The following HCN1 variants were observed in gnomAD, a reference collection of about 807,000 sequenced individuals.
The protein encoded by HCN1 is potassium/sodium hyperpolarization-activated cyclic nucleotide-gated channel 1.
In HCN1, 13 loss-of-function variants were observed where a neutral mutation model predicts 78.9. The ratio of observed to expected loss-of-function variants is 0.16; its 90% CI spans 0.11 to 0.26. The LOEUF is 0.26. Ranked by LOEUF, HCN1 falls within the 10% of genes least tolerant of loss-of-function variation. The probability of loss-of-function intolerance (pLI) is 1.00; values close to 1 mark genes in which losing one functional copy is unlikely to be tolerated. For missense variants in HCN1, 810 were observed against 1,154.3 expected, an observed-to-expected ratio of 0.70 and a Z score of 4.32; for synonymous variants, 552 against 455.5, an observed-to-expected ratio of 1.21 and a Z score of -2.70.
intron 6 of HCN1, among the ~76,000 whole-genome samples, chr5:45,299,274 A>G (rs972774193): frequency 6.6e-6 from 1 of 152,048 alleles, no homozygotes; most frequent in Admixed American, 6.6e-5. Flanking sequence ...AACATACCAT[A>G]GCAATGAAAG....
chr5:45,511,765 C>T (rs1381065744), intron 2 of HCN1, among the ~76,000 whole-genome samples: 1 of 151,798 alleles, frequency 6.6e-6, no homozygotes, highest in Non-Finnish European at 1.5e-5. Flanking sequence ...AGAAAGAGGA[C>T]GTTAGACTAA....
At chr5:45,328,607 C>T (rs1746280431) in intron 5 of HCN1, among the ~76,000 whole-genome samples, 1 of 151,660 alleles carries the variant, frequency 6.6e-6, no homozygotes, top group South Asian at 2.1e-4. Context: ...AGCATTGTGG[C>T]TCCACTGGGC....
chr5:45,264,210 A>G (rs985727075), intron 7 of HCN1, among the ~76,000 whole-genome samples: 18 of 152,194 alleles, frequency 1.2e-4, no homozygotes, highest in Non-Finnish European at 2.5e-4. Flanking sequence ...AGCTCCCTCT[A>G]AGACCTCAAT....
At chr5:45,344,571 A>T (rs1412850787) in intron 5 of HCN1, among the ~76,000 whole-genome samples, 1 of 152,212 alleles carries the variant, frequency 6.6e-6, no homozygotes, top group Admixed American at 6.5e-5. Context: ...AAATACAGCT[A>T]TTCTAAATGG....
chr5:45,652,850 GC>G (rs1416199494), intron 1 of HCN1, among the ~76,000 whole-genome samples: 2 of 151,620 alleles, frequency 1.3e-5, no homozygotes, highest in African/African-American at 4.8e-5. Context: ...TTGATTACTT[GC>G]CCAGCTCTAT....
chr5:45,654,100 T>C (rs1369918278), intron 1 of HCN1, among the ~76,000 whole-genome samples: 2 of 152,088 alleles, frequency 1.3e-5, no homozygotes, highest in African/African-American at 2.4e-5. Flanking sequence ...GGACTTATAT[T>C]GCATCATTCA....
chr5:45,669,570 G>C (rs535400987), intron 1 of HCN1, among the ~76,000 whole-genome samples: 1 of 151,848 alleles, frequency 6.6e-6, no homozygotes, highest in African/African-American at 2.4e-5. Flanking sequence ...TCCTCCAAAG[G>C]GGAAACTATA....
At chr5:45,474,624 T>G (rs1038010555) in intron 2 of HCN1, among the ~76,000 whole-genome samples, 1 of 151,942 alleles carries the variant, frequency 6.6e-6, no homozygotes, top group South Asian at 2.1e-4. Context: ...GTTTAACATA[T>G]AAGACTCTTC....
At chr5:45,420,768 G>A (rs569516921) in intron 3 of HCN1, among the ~76,000 whole-genome samples, 2 of 152,090 alleles carry the variant, frequency 1.3e-5, no homozygotes, top group Non-Finnish European at 2.9e-5. Context: ...TCAGGACTCT[G>A]TACTTAAATG....
intron 1 of HCN1, among the ~76,000 whole-genome samples, chr5:45,678,682 A>G (rs1237397482): frequency 6.6e-6 from 1 of 151,974 alleles, no homozygotes; most frequent in Non-Finnish European, 1.5e-5. Context: ...TAATGAAAGG[A>G]AATTAAAAGT....
At chr5:45,667,324 A>G (rs1746068992) in intron 1 of HCN1, among the ~76,000 whole-genome samples, 1 of 152,000 alleles carries the variant, frequency 6.6e-6, no homozygotes, top group Non-Finnish European at 1.5e-5. Flanking sequence ...TCCCAGTCTC[A>G]TAATTGTTTG....
Position 45,347,310 on chromosome 5 carries a change from T to A in HCN1, c.1377+5790A>T, listed in dbSNP as rs1003903523. 3.9e-5 allele frequency among the ~76,000 whole-genome samples: 6 copies of A among 152,306 alleles called. No individual in the cohort carries two copies. The South Asian group carries it at 8.3e-4, about 21-fold the overall frequency. The stretch of plus-strand genomic sequence containing the variant: ...AACAGACCTGCAGCTGAGGGTCCTG[T>A]CTGTTAGAAGGAAAACTAACAAACA... On this transcript the variant is annotated intron_variant, in intron 5 of 7. Coordinates refer to ENST00000303230, the MANE Select transcript of HCN1 (RefSeq NM_021072.4).
chr5:45,613,141 C>T (rs1390861571), intron 2 of HCN1, among the ~76,000 whole-genome samples: 2 of 145,482 alleles, frequency 1.4e-5, no homozygotes, highest in South Asian at 2.3e-4. Context: ...TCTCCCAGTG[C>T]TATCCCTCCC....
At chr5:45,497,955 G>A (rs1371862172) in intron 2 of HCN1, among the ~76,000 whole-genome samples, 14 of 152,162 alleles carry the variant, frequency 9.2e-5, no homozygotes, top group East Asian at 5.8e-4. Flanking sequence ...CGAGAGATCC[G>A]CTGTTAGTCT....
At chr5:45,634,922 C>T (rs1468660756) in intron 2 of HCN1, among the ~76,000 whole-genome samples, 2 of 152,088 alleles carry the variant, frequency 1.3e-5, no homozygotes, top group Non-Finnish European at 1.5e-5. Context: ...TGAAGAACCA[C>T]TTCCCACACT....
At chr5:45,626,296 T>G (rs1259594949) in intron 2 of HCN1, among the ~76,000 whole-genome samples, 1 of 152,196 alleles carries the variant, frequency 6.6e-6, no homozygotes, top group Non-Finnish European at 1.5e-5. Flanking sequence ...TTAGACCACC[T>G]CTTCTGAATA....
Position 45,447,718 on chromosome 5 carries a change from G to T in HCN1, c.1011+14128C>A, listed in dbSNP as rs550849517. Among the ~76,000 whole-genome samples, 4 of 152,242 alleles carry T rather than the reference G, an allele frequency of 2.6e-5. No homozygotes were observed. In the South Asian group the frequency reaches 8.3e-4, roughly 32 times the overall value. ...CTTAACTCAGTTCTATAGTGTGTTA[G>T]TCCAAATATTTCATATCAGAAAGCA... On this transcript the variant is annotated intron_variant, in intron 3 of 7. Transcript: ENST00000303230.
At chr5:45,565,296 C>A (rs1048302495) in intron 2 of HCN1, among the ~76,000 whole-genome samples, 1 of 152,148 alleles carries the variant, frequency 6.6e-6, no homozygotes, top group Non-Finnish European at 1.5e-5. Flanking sequence ...CATCATTAAG[C>A]TGCCATTATT....
At chr5:45,478,693 A>C (rs539989529) in intron 2 of HCN1, among the ~76,000 whole-genome samples, 2 of 152,344 alleles carry the variant, frequency 1.3e-5, no homozygotes, top group South Asian at 4.1e-4. Context: ...GAGTAGAAGA[A>C]GCTTCCTTAA....
Sources: gnomAD v4.1 joint callset for allele counts (sites outside exome capture counted in the v4.1 genomes callset) on GRCh38, gnomAD v4.1.1 for gene constraint, MANE v1.5 for transcripts, NCBI Gene and HGNC (gene_info 2026-07-23, HGNC 2026-07-21) for gene names.